The following GRID2 variants were observed in gnomAD, a reference collection of about 807,000 sequenced individuals.
GRID2 encodes the protein glutamate ionotropic receptor delta type subunit 2.
A neutral mutation model predicts 114.8 loss-of-function variants in GRID2; 33 were observed. The observed-to-expected ratio is 0.29, with a 90% confidence interval of 0.22 to 0.38. The LOEUF is 0.38. GRID2 is among the 10% of genes least tolerant of loss of function. The probability of loss-of-function intolerance (pLI) is 1.00; values close to 1 mark genes in which losing one functional copy is unlikely to be tolerated. For synonymous variants in GRID2, 505 were observed against 449.9 expected (o/e 1.12, Z -1.55); for missense variants, 1,184 against 1,257.7 (o/e 0.94, Z 0.89).
At chr4:92,651,405 C>G (rs1489428330) in intron 2 of GRID2, among the ~76,000 whole-genome samples, 1 of 151,950 alleles carries the variant, frequency 6.6e-6, no homozygotes, top group East Asian at 1.9e-4. Context: ...AACTTCCATC[C>G]CTGCCTCCGT....
At chr4:93,207,568 A>T (rs1742955690) in intron 5 of GRID2, 111 bp downstream of exon 5, 1 of 687,628 alleles carries the variant, frequency 1.5e-6, no homozygotes, top group African/African-American at 1.8e-5. Context: ...TGAAGTAAAC[A>T]TTCAACTTAC....
intron 2 of GRID2, among the ~76,000 whole-genome samples, chr4:92,810,000 T>A (rs1257305481): frequency 6.6e-6 from 1 of 152,086 alleles, no homozygotes; most frequent in Non-Finnish European, 1.5e-5. Context: ...ATCTGATAGA[T>A]ACTGAGGGTT....
intron 2 of GRID2, among the ~76,000 whole-genome samples, chr4:93,070,277 T>C (rs1231529205): frequency 6.6e-6 from 1 of 152,096 alleles, no homozygotes; most frequent in Non-Finnish European, 1.5e-5. Flanking sequence ...AGCTAACCAT[T>C]AAATAGTGTT....
chr4:93,022,611 T>G (rs1429751340), intron 2 of GRID2, among the ~76,000 whole-genome samples: 1 of 152,000 alleles, frequency 6.6e-6, no homozygotes, highest in African/African-American at 2.4e-5. Context: ...CCTCTAAAAC[T>G]TTTAATCAAA....
intron 13 of GRID2, among the ~76,000 whole-genome samples, chr4:93,559,797 C>A (rs1041699833): frequency 4.6e-5 from 7 of 152,070 alleles, no homozygotes; most frequent in African/African-American, 1.7e-4. Context: ...TATTGCAGCA[C>A]TATTCACAGT....
chr4:92,681,341 A>G (rs1733639830), intron 2 of GRID2, among the ~76,000 whole-genome samples: 1 of 152,076 alleles, frequency 6.6e-6, no homozygotes, highest in Non-Finnish European at 1.5e-5. Flanking sequence ...TCATGAACCT[A>G]TGCACTGTTC....
intron 1 of GRID2, among the ~76,000 whole-genome samples, chr4:92,314,387 T>C (rs1725861317): frequency 1.3e-5 from 2 of 152,186 alleles, no homozygotes; most frequent in African/African-American, 4.8e-5. Context: ...ATTCTTGTTA[T>C]AATAGACAAA....
chr4:92,791,139 A>G (rs113773860), intron 2 of GRID2, among the ~76,000 whole-genome samples: 59 of 151,976 alleles, frequency 3.9e-4, no homozygotes, highest in African/African-American at 1.3e-3. Flanking sequence ...CCAAATTGCC[A>G]GAAATTGTTC....
chr4:92,360,766 A>C (rs1273044613), intron 1 of GRID2, among the ~76,000 whole-genome samples: 1 of 151,698 alleles, frequency 6.6e-6, no homozygotes, highest in Non-Finnish European at 1.5e-5. Context: ...CTAGGGAATC[A>C]TCAGGTCTTT....
chr4:92,750,811 A>G (rs1240433334), intron 2 of GRID2, among the ~76,000 whole-genome samples: 3 of 152,218 alleles, frequency 2.0e-5, no homozygotes, highest in Non-Finnish European at 4.4e-5. Flanking sequence ...AGCAGCAATA[A>G]TTTACACAGA....
chr4:93,719,568 T>G (rs894091071), intron 14 of GRID2, among the ~76,000 whole-genome samples: 4 of 152,148 alleles, frequency 2.6e-5, no homozygotes, highest in African/African-American at 9.7e-5. Flanking sequence ...TTACACATTT[T>G]CAAACAATGA....
intron 1 of GRID2, among the ~76,000 whole-genome samples, chr4:92,481,470 C>G (rs1316313885): frequency 6.6e-6 from 1 of 152,062 alleles, no homozygotes; most frequent in African/African-American, 2.4e-5. Context: ...AGGAGTCTTC[C>G]TCATTGCTTG....
chr4:92,731,214 A>G, intron 2 of GRID2, among the ~76,000 whole-genome samples: 1 of 150,566 alleles, frequency 6.6e-6, no homozygotes, highest in Non-Finnish European at 1.5e-5. Context: ...ACTCTAGCTA[A>G]TTTTAGACAA....
chr4:93,081,278 C>A (rs2149317871), intron 2 of GRID2, among the ~76,000 whole-genome samples: 1 of 152,286 alleles, frequency 6.6e-6, no homozygotes, highest in South Asian at 2.1e-4. Flanking sequence ...AAATATTTCA[C>A]TGAGTTCTCA....
chr4:93,369,044 C>T (rs144847683), intron 8 of GRID2, among the ~76,000 whole-genome samples: 4 of 152,252 alleles, frequency 2.6e-5, no homozygotes, highest in East Asian at 1.9e-4. Context: ...CTTAAATTAT[C>T]GCAAACTGAT....
intron 2 of GRID2, among the ~76,000 whole-genome samples, chr4:92,945,558 A>C (rs1298963862): frequency 6.6e-6 from 1 of 152,260 alleles, no homozygotes; most frequent in East Asian, 1.9e-4. Flanking sequence ...CAATTGTGAT[A>C]ATTGTTATCC....
At chr4:93,629,775 T>C (rs1040530962) in intron 14 of GRID2, among the ~76,000 whole-genome samples, 1 of 152,194 alleles carries the variant, frequency 6.6e-6, no homozygotes, top group Admixed American at 6.5e-5. Flanking sequence ...TAATAAATAT[T>C]AGTATGTAAA....
chr4:93,121,148 T>C (rs898600721), intron 4 of GRID2, among the ~76,000 whole-genome samples: 9 of 152,128 alleles, frequency 5.9e-5, no homozygotes, highest in African/African-American at 2.2e-4. Context: ...GTTATTTAAA[T>C]GACACATTTT....
At chr4:92,925,567 G>A (rs1749748770) in intron 2 of GRID2, among the ~76,000 whole-genome samples, 1 of 151,950 alleles carries the variant, frequency 6.6e-6, no homozygotes, top group South Asian at 2.1e-4. Flanking sequence ...CATGTTGGTT[G>A]TGTCACCCAA....
Sources: allele counts gnomAD v4.1 joint callset (sites outside exome capture counted in the v4.1 genomes callset), GRCh38; gene constraint gnomAD v4.1.1; transcripts MANE v1.5; gene names NCBI Gene and HGNC (gene_info 2026-07-23, HGNC 2026-07-21).